MED13L: variants seen among roughly 807,000 people sequenced by gnomAD.
MED13L encodes mediator complex subunit 13L.
In MED13L, 7 loss-of-function variants were observed where a neutral mutation model predicts 220.9. That is an observed-to-expected ratio of 0.03 (90% CI 0.02 to 0.06). The LOEUF (loss-of-function observed/expected upper bound fraction) is 0.06. Ranked by LOEUF, MED13L falls within the 10% of genes least tolerant of loss-of-function variation. The pLI is 1.00. For synonymous variants in MED13L, 1,011 were observed against 1,015.2 expected (o/e 1.00, Z 0.08); for missense variants, 1,965 against 2,760.5 (o/e 0.71, Z 6.46).
chr12:116,187,194 G>C (rs1880956802), intron 2 of MED13L, among the ~76,000 whole-genome samples: 1 of 152,062 alleles, frequency 6.6e-6, no homozygotes, highest in African/African-American at 2.4e-5. Flanking sequence ...TTTCTCTATG[G>C]AAGTCAATAC....
At chr12:116,224,533 G>C (rs908835670) in intron 2 of MED13L, among the ~76,000 whole-genome samples, 18 of 152,114 alleles carry the variant, frequency 1.2e-4, no homozygotes, top group African/African-American at 3.9e-4. Context: ...CTCCTGAAAT[G>C]CAAAAATGTT....
At chr12:116,105,181 TAAGGA>T (rs1158366224) in intron 3 of MED13L, among the ~76,000 whole-genome samples, 11 of 152,154 alleles carry the variant, frequency 7.2e-5, no homozygotes, top group African/African-American at 2.7e-4. Flanking sequence ...TACTTTTCCC[TAAGGA>T]GTGTGAGGCA....
intron 21 of MED13L, 114 bp downstream of exon 21, chr12:115,983,003 T>A (rs1877434424): frequency 6.8e-6 from 8 of 1,176,960 alleles, no homozygotes; most frequent in African/African-American, 1.5e-5. Flanking sequence ...AGAAGAGAAA[T>A]AGAGCACTTC....
At chr12:116,155,345 C>T (rs1878350449) in intron 2 of MED13L, among the ~76,000 whole-genome samples, 1 of 152,088 alleles carries the variant, frequency 6.6e-6, no homozygotes, top group Admixed American at 6.5e-5. Context: ...ATTGCTTGAG[C>T]CCAGAGGTTC....
rs146125659 is a variant in MED13L at position 115,980,806 on chromosome 12, A to G, written c.5308T>C (p.Ser1770Pro). ...GCTGCAGGCCCAAATCCCGTGAGGG[A>G]TTTAATGTGGATCTGTGTAGGCAGT... ...RPLPTQIHIKSLTGFGPAASI... is the reference protein window; with the variant it reads ...RPLPTQIHIKPLTGFGPAASI... Residue 1770 changes from serine to proline, a missense_variant, in exon 23 of 31, where the codon TCC (serine) becomes CCC (proline). Transcript: ENST00000281928. 2.1e-5 allele frequency: 34 copies of G among 1,614,152 alleles called. No homozygotes were observed. The African/African-American group carries it at 3.9e-4, about 18-fold the overall frequency.
Position 115,996,553 on chromosome 12 carries a change from C to T in MED13L, c.2919G>A (p.Arg973=), listed in dbSNP as rs778964204. 4.3e-6 allele frequency: 7 copies of T among 1,614,070 alleles called. No homozygotes were observed. Among genetic ancestry groups the T allele is most frequent in the Non-Finnish European group, 5.9e-6 (7 of 1,180,024 alleles). Residue 973 remains arginine, a synonymous_variant, in exon 16 of 31, where the codon CGG becomes CGA. Transcript: ENST00000281928. ...TTTTAGGAGGAATTGCCCATGAAGGCCGAAACAGACAGGCATCAGGTATCT... is the reference window on the plus strand; with the variant it reads ...TTTTAGGAGGAATTGCCCATGAAGGTCGAAACAGACAGGCATCAGGTATCT... ...PLKIPDACLF[R]PSWAIPPKIE... is the part of the protein sequence containing the mutation.
intron 2 of MED13L, among the ~76,000 whole-genome samples, chr12:116,135,503 C>T (rs991562086): frequency 6.6e-6 from 1 of 152,168 alleles, no homozygotes; most frequent in Non-Finnish European, 1.5e-5. Flanking sequence ...CTGAAACAAA[C>T]CATATCTATT....
At chr12:116,234,215 CTATT>C (rs74508824) in intron 2 of MED13L, among the ~76,000 whole-genome samples, 1,508 of 149,858 alleles carry the variant, frequency 0.01, 24 homozygotes, top group African/African-American at 0.032. Flanking sequence ...CAGGATTCTG[CTATT>C]TATTTATTTA....
intron 23 of MED13L, among the ~76,000 whole-genome samples, chr12:115,979,632 T>C (rs1442396187): frequency 6.6e-6 from 1 of 152,220 alleles, no homozygotes; most frequent in Non-Finnish European, 1.5e-5. Context: ...ATTTTACTTA[T>C]AAAAGTGCAA....
chr12:116,047,634 G>C (rs1013878242), intron 4 of MED13L, among the ~76,000 whole-genome samples: 7 of 152,096 alleles, frequency 4.6e-5, no homozygotes, highest in African/African-American at 1.7e-4. Context: ...GATGATAACG[G>C]TGTCAGGAAA....
intron 2 of MED13L, among the ~76,000 whole-genome samples, chr12:116,179,815 C>T (rs1485981926): frequency 2.6e-5 from 4 of 152,010 alleles, no homozygotes; most frequent in African/African-American, 9.7e-5. Context: ...GGCCATTCTC[C>T]ATGGGACAGT....
At chr12:116,252,740 T>C (rs929524706) in intron 1 of MED13L, among the ~76,000 whole-genome samples, 2 of 151,668 alleles carry the variant, frequency 1.3e-5, no homozygotes, top group African/African-American at 2.4e-5. Context: ...TAAAGATTAG[T>C]AAAATTAACA....
intron 1 of MED13L, among the ~76,000 whole-genome samples, chr12:116,271,715 T>C (rs780256521): frequency 6.6e-6 from 1 of 151,818 alleles, no homozygotes; most frequent in Non-Finnish European, 1.5e-5. Flanking sequence ...CTGCACAAAA[T>C]ACATCTGAAA....
chr12:116,028,859 C>T (rs1487849348), intron 4 of MED13L, among the ~76,000 whole-genome samples: 1 of 152,134 alleles, frequency 6.6e-6, no homozygotes, highest in African/African-American at 2.4e-5. Flanking sequence ...ACCTCTTTCT[C>T]ACCTTAAAAA....
intron 4 of MED13L, among the ~76,000 whole-genome samples, chr12:116,094,411 A>G (rs1314121311): frequency 6.6e-6 from 1 of 152,218 alleles, no homozygotes; most frequent in African/African-American, 2.4e-5. Flanking sequence ...GCAGCCTCCC[A>G]TTTATATTGA....
chr12:116,182,481 C>CT (rs1880593988), intron 2 of MED13L, among the ~76,000 whole-genome samples: 1 of 152,204 alleles, frequency 6.6e-6, no homozygotes, highest in Non-Finnish European at 1.5e-5. Flanking sequence ...CTATCAGCCT[C>CT]TGTACTCCAT....
At chr12:116,222,600 C>T (rs1430907422) in intron 2 of MED13L, among the ~76,000 whole-genome samples, 1 of 152,186 alleles carries the variant, frequency 6.6e-6, no homozygotes, top group African/African-American at 2.4e-5. Flanking sequence ...TTCTGGGAAA[C>T]ATGGCGGCAT....
intron 3 of MED13L, among the ~76,000 whole-genome samples, chr12:116,109,552 T>C (rs1873901117): frequency 6.6e-6 from 1 of 152,164 alleles, no homozygotes; most frequent in African/African-American, 2.4e-5. Flanking sequence ...AGCTACAATT[T>C]TAAAATATAC....
At chr12:116,240,602 G>A (rs974544804) in intron 1 of MED13L, among the ~76,000 whole-genome samples, 4 of 150,964 alleles carry the variant, frequency 2.6e-5, no homozygotes, top group Admixed American at 2.0e-4. Flanking sequence ...GCGCGATCTC[G>A]GCTCACAGCA....
Sources: allele counts gnomAD v4.1 joint callset (sites outside exome capture counted in the v4.1 genomes callset), GRCh38; gene constraint gnomAD v4.1.1; transcripts MANE v1.5; gene names NCBI Gene and HGNC (gene_info 2026-07-23, HGNC 2026-07-21).